RNF175: variants seen among roughly 807,000 people sequenced by gnomAD.
The protein encoded by RNF175 is ring finger protein 175.
A neutral mutation model predicts 50.0 loss-of-function variants in RNF175; 38 were observed. The observed-to-expected ratio is 0.76, with a 90% CI of 0.59 to 1.00. RNF175 has a LOEUF of 1.00. Among genes scored for constraint, RNF175 ranks in the 50% least tolerant of loss-of-function variants. The probability of loss-of-function intolerance (pLI) is 0.00; values close to 1 mark genes in which losing one functional copy is unlikely to be tolerated. For missense variants in RNF175, 388 were observed against 409.6 expected (o/e 0.95, Z 0.46); for synonymous variants, 155 against 146.1 (o/e 1.06, Z -0.44).
chr4:153,728,707 T>G (rs1394507617), intron 3 of RNF175, among the ~76,000 whole-genome samples: 1 of 152,170 alleles, frequency 6.6e-6, no homozygotes, highest in African/African-American at 2.4e-5. Context: ...GTACAGATGC[T>G]TGCACTGCTT....
intron 6 of RNF175, 56 bp downstream of exon 6, chr4:153,720,128 T>A: frequency 1.3e-6 from 2 of 1,579,720 alleles, no homozygotes; most frequent in African/African-American, 2.7e-5. Flanking sequence ...ACATGTAAGA[T>A]GAGACCATTT....
intron 3 of RNF175, among the ~76,000 whole-genome samples, chr4:153,731,518 T>C (rs1739032202): frequency 1.3e-5 from 2 of 152,132 alleles, no homozygotes; most frequent in Admixed American, 1.3e-4. Flanking sequence ...TGCCCAAAAG[T>C]ACCATGGTTT....
intron 3 of RNF175, among the ~76,000 whole-genome samples, chr4:153,738,315 C>G (rs1327231444): frequency 6.6e-6 from 1 of 151,810 alleles, no homozygotes; most frequent in Admixed American, 6.6e-5. Context: ...CTCCAAGTAG[C>G]TGGAACTACA....
chr4:153,753,989 T>C (rs1362271010), intron 1 of RNF175, among the ~76,000 whole-genome samples: 13 of 150,732 alleles, frequency 8.6e-5, no homozygotes, highest in Non-Finnish European at 1.6e-4. Context: ...GCTAACATGG[T>C]GAAATCCCGT....
At chr4:153,715,270 A>G in intron 7 of RNF175, 1 of 501,702 alleles carries the variant, frequency 2.0e-6, no homozygotes, top group Non-Finnish European at 3.7e-6. Context: ...CACCCTGCTC[A>G]GATACTGCCT....
chr4:153,752,720 C>G (rs1382561139), intron 1 of RNF175, among the ~76,000 whole-genome samples: 1 of 151,918 alleles, frequency 6.6e-6, no homozygotes, highest in Non-Finnish European at 1.5e-5. Context: ...TTATAGTCCT[C>G]AATATTTGAA....
At chr4:153,747,132 C>T (rs1390448873) in intron 3 of RNF175, among the ~76,000 whole-genome samples, 1 of 152,166 alleles carries the variant, frequency 6.6e-6, no homozygotes, top group African/African-American at 2.4e-5. Flanking sequence ...ACTGCAATGC[C>T]TTCAGGGTCA....
At chr4:153,759,776 C>A in intron 1 of RNF175, 21 bp downstream of exon 1, 1 of 1,461,452 alleles carries the variant, frequency 6.8e-7, no homozygotes. Context: ...GTCCCCCACG[C>A]CCGCGCCCCC....
intron 2 of RNF175, among the ~76,000 whole-genome samples, 191 bp downstream of exon 2, chr4:153,751,247 T>C (rs973276314): frequency 2.6e-5 from 4 of 152,248 alleles, no homozygotes; most frequent in African/African-American, 9.6e-5. Context: ...GCATGATCTT[T>C]TTCTACAGAT....
chr4:153,730,121 C>T (rs1356161227), intron 3 of RNF175, among the ~76,000 whole-genome samples: 1 of 152,172 alleles, frequency 6.6e-6, no homozygotes, highest in Non-Finnish European at 1.5e-5. Flanking sequence ...CATTCAGCAA[C>T]TTTGACCCTC....
intron 1 of RNF175, among the ~76,000 whole-genome samples, chr4:153,753,707 G>A (rs1488336080): frequency 2.6e-5 from 4 of 151,520 alleles, no homozygotes; most frequent in Non-Finnish European, 2.9e-5. Context: ...ACAGGCACTC[G>A]CCACCATGCC....
chr4:153,743,658 C>T (rs1187340634), intron 3 of RNF175, among the ~76,000 whole-genome samples: 1 of 152,042 alleles, frequency 6.6e-6, no homozygotes, highest in African/African-American at 2.4e-5. Context: ...CCAAGGTGAT[C>T]CTTAGGACTA....
At chr4:153,718,010 C>T (rs1442146339) in intron 6 of RNF175, among the ~76,000 whole-genome samples, 2 of 152,114 alleles carry the variant, frequency 1.3e-5, no homozygotes. Context: ...TTCACCTATT[C>T]AACCACGCTC....
intron 6 of RNF175, among the ~76,000 whole-genome samples, chr4:153,719,176 G>T (rs1031005567): frequency 2.6e-5 from 4 of 152,094 alleles, no homozygotes; most frequent in Non-Finnish European, 4.4e-5. Flanking sequence ...TCATTGTTCA[G>T]CTCCCATGTA....
At chr4:153,719,378 T>C (rs1409909202) in intron 6 of RNF175, among the ~76,000 whole-genome samples, 1 of 152,240 alleles carries the variant, frequency 6.6e-6, no homozygotes, top group Non-Finnish European at 1.5e-5. Context: ...TCCATGTCTT[T>C]GCTTTACACT....
intron 8 of RNF175, among the ~76,000 whole-genome samples, chr4:153,710,871 A>G (rs543729250): frequency 1.3e-5 from 2 of 152,320 alleles, no homozygotes; most frequent in Admixed American, 1.3e-4. Context: ...ATTAGAATGA[A>G]CCCATTGTAT....
At chr4:153,717,997 T>C (rs1738053378) in intron 6 of RNF175, among the ~76,000 whole-genome samples, 1 of 152,144 alleles carries the variant, frequency 6.6e-6, no homozygotes, top group African/African-American at 2.4e-5. Flanking sequence ...ACATTTCCTG[T>C]GCTTCACCTA....
At chr4:153,740,758 T>A (rs1739610283) in intron 3 of RNF175, among the ~76,000 whole-genome samples, 1 of 152,328 alleles carries the variant, frequency 6.6e-6, no homozygotes, top group Admixed American at 6.5e-5. Context: ...TCAGACTGTG[T>A]TTTTTTCCTC....
intron 3 of RNF175, among the ~76,000 whole-genome samples, chr4:153,744,366 G>A (rs947388119): frequency 1.3e-5 from 2 of 151,954 alleles, no homozygotes; most frequent in African/African-American, 4.8e-5. Context: ...AGGTTGCAGT[G>A]AGCCGAGATC....
Sources: gnomAD v4.1 joint callset for allele counts (sites outside exome capture counted in the v4.1 genomes callset) on GRCh38, gnomAD v4.1.1 for gene constraint, MANE v1.5 for transcripts, NCBI Gene and HGNC (gene_info 2026-07-23, HGNC 2026-07-21) for gene names.